The following GPR137C variants were observed in gnomAD, a reference collection of about 807,000 sequenced individuals.
GPR137C encodes integral membrane protein GPR137C.
Under a neutral mutation model 43.4 loss-of-function variants are expected in GPR137C, and 27 were observed. The ratio of observed to expected loss-of-function variants is 0.62; its 90% CI spans 0.46 to 0.86. GPR137C has a LOEUF of 0.86. Among genes scored for constraint, GPR137C ranks in the 40% least tolerant of loss-of-function variants. The pLI is 0.00. For synonymous variants in GPR137C, 285 were observed against 226.9 expected, an observed-to-expected ratio of 1.26 and a Z score of -2.30; for missense variants, 522 against 534.6, an observed-to-expected ratio of 0.98 and a Z score of 0.23.
At chr14:52,556,522 GAAAAA>G (rs1400712336) in intron 1 of GPR137C, among the ~76,000 whole-genome samples, 10 of 143,634 alleles carry the variant, frequency 7.0e-5, no homozygotes, top group Admixed American at 6.9e-4. Flanking sequence ...GAGAGAGGGG[GAAAAA>G]AAAAAGAAAA....
chr14:52,598,320 GT>G lies in GPR137C; in HGVS notation c.488+9del. The G allele has an allele frequency of 1.6e-6, 2 of 1,239,842 alleles. No individual in the cohort carries two copies. The highest frequency in any genetic ancestry group is 2.3e-6 in the Non-Finnish European group (2 of 883,264). The allele number at this position is 1,239,842 out of a possible 1,614,324, so 76.8% of individuals were successfully genotyped here. Reference sequence around the variant, plus strand: ...CACTGAACTTGACAGACACAAGTAAGTTTTATGAGTATCTAAATTTCTATCT... The same window carrying G: ...CACTGAACTTGACAGACACAAGTAAGTTTATGAGTATCTAAATTTCTATCT... On this transcript the variant is annotated splice_donor_region_variant and intron_variant, in intron 2 of 6. Transcript: ENST00000321662.
chr14:52,590,743 C>T (rs1182811782), intron 1 of GPR137C, among the ~76,000 whole-genome samples: 1 of 152,100 alleles, frequency 6.6e-6, no homozygotes, highest in Non-Finnish European at 1.5e-5. Context: ...TACCATATGG[C>T]CTAGGTATGT....
intron 3 of GPR137C, among the ~76,000 whole-genome samples, chr14:52,619,578 C>G (rs1017491990): frequency 6.6e-6 from 1 of 152,118 alleles, no homozygotes. Context: ...TTTGAAAGAT[C>G]CTTGCTTACA....
At chr14:52,603,622 C>T (rs1464341357) in intron 3 of GPR137C, among the ~76,000 whole-genome samples, 1 of 152,102 alleles carries the variant, frequency 6.6e-6, no homozygotes, top group Non-Finnish European at 1.5e-5. Context: ...GCAACTTCTG[C>T]CTCCCAGGTT....
chr14:52,609,383 C>T (rs1419416597), intron 3 of GPR137C, among the ~76,000 whole-genome samples: 1 of 152,218 alleles, frequency 6.6e-6, no homozygotes, highest in Non-Finnish European at 1.5e-5. Context: ...AGAGATCTCA[C>T]ATCTCCATCA....
intron 3 of GPR137C, among the ~76,000 whole-genome samples, chr14:52,629,451 A>G (rs943864456): frequency 1.1e-4 from 16 of 152,228 alleles, no homozygotes; most frequent in African/African-American, 3.9e-4. Context: ...TGCTAAAACC[A>G]GAAAACCCCT....
At chr14:52,609,464 G>A (rs1396274005) in intron 3 of GPR137C, among the ~76,000 whole-genome samples, 1 of 152,160 alleles carries the variant, frequency 6.6e-6, no homozygotes, top group African/African-American at 2.4e-5. Flanking sequence ...CTTGATGCTT[G>A]TGGAAGTATG....
chr14:52,553,498 T>G lies in GPR137C; in HGVS notation c.351T>G (p.Ala117=). ...SGSLPLLRPP[A]HLHFFPHWLL... is the part of the protein sequence containing the mutation. ...CCCTGCCCTTGCTCCGGCCGCCCGCTCACCTGCACTTCTTCCCCCACTGGC... is the reference window on the plus strand; with the variant it reads ...CCCTGCCCTTGCTCCGGCCGCCCGCGCACCTGCACTTCTTCCCCCACTGGC... The change falls in exon 1 of 7, where the codon GCT becomes GCG. Residue 117 remains alanine (A), a synonymous_variant. Coordinates refer to ENST00000321662, the MANE Select transcript of GPR137C (RefSeq NM_001099652.2). The G allele has an allele frequency of 6.2e-7, 1 of 1,609,152 alleles. No individual in the cohort carries two copies. Among genetic ancestry groups the G allele is most frequent in the Non-Finnish European group, 8.5e-7 (1 of 1,179,768 alleles).
At chr14:52,579,170 G>C (rs1465179182) in intron 1 of GPR137C, among the ~76,000 whole-genome samples, 1 of 152,174 alleles carries the variant, frequency 6.6e-6, no homozygotes, top group Non-Finnish European at 1.5e-5. Flanking sequence ...AGTCAGGGAA[G>C]AGGGTTGGGG....
At chr14:52,612,514 G>A (rs2039049237) in intron 3 of GPR137C, 1 of 982,606 alleles carries the variant, frequency 1.0e-6, no homozygotes, top group Non-Finnish European at 1.2e-6. Context: ...GTGTATCCCA[G>A]CCTCAGTTTA....
intron 3 of GPR137C, among the ~76,000 whole-genome samples, chr14:52,627,561 T>C (rs2039242324): frequency 6.6e-6 from 1 of 151,534 alleles, no homozygotes; most frequent in Non-Finnish European, 1.5e-5. Flanking sequence ...TAAAGTGTGC[T>C]GTCTGGGCAG....
intron 1 of GPR137C, among the ~76,000 whole-genome samples, chr14:52,563,221 G>A (rs1174846374): frequency 6.6e-6 from 1 of 152,078 alleles, no homozygotes; most frequent in Admixed American, 6.5e-5. Context: ...GTAAGCTCAT[G>A]TGCCTGTCTT....
chr14:52,600,445 ATT>A, intron 3 of GPR137C, 104 bp downstream of exon 3: 1 of 643,992 alleles, frequency 1.6e-6, no homozygotes, highest in Middle Eastern at 4.3e-4. Context: ...ATTTTATTTT[ATT>A]TTATTTTATT....
intron 3 of GPR137C, chr14:52,611,903 G>A (rs1464570500): frequency 1.0e-6 from 1 of 978,094 alleles, no homozygotes; most frequent in Non-Finnish European, 1.2e-6. Context: ...TATAAATGTT[G>A]ACTCGCTATC....
chr14:52,561,129 C>T (rs2038276769), intron 1 of GPR137C, among the ~76,000 whole-genome samples: 1 of 152,156 alleles, frequency 6.6e-6, no homozygotes, highest in African/African-American at 2.4e-5. Flanking sequence ...ACAAAAATTA[C>T]ACTCACGTTG....
At chr14:52,553,668 C>G (rs2038136950) in intron 1 of GPR137C, 77 bp downstream of exon 1, 33 of 1,020,650 alleles carry the variant, frequency 3.2e-5, no homozygotes, top group South Asian at 1.2e-4. Context: ...TGAGGACCAG[C>G]GGGGGCGGGG....
intron 3 of GPR137C, among the ~76,000 whole-genome samples, chr14:52,631,787 A>C (rs916526648): frequency 3.3e-5 from 5 of 152,162 alleles, no homozygotes; most frequent in African/African-American, 1.2e-4. Flanking sequence ...TAAGTGTATC[A>C]AATGAACTAA....
intron 1 of GPR137C, among the ~76,000 whole-genome samples, chr14:52,579,197 T>C (rs559691364): frequency 6.6e-6 from 1 of 152,296 alleles, no homozygotes; most frequent in African/African-American, 2.4e-5. Flanking sequence ...AGAATCTTTA[T>C]GCTTGGTGTA....
chr14:52,613,552 A>C (rs1425420218), intron 3 of GPR137C: 1 of 164,306 alleles, frequency 6.1e-6, no homozygotes, highest in Non-Finnish European at 1.3e-5. Flanking sequence ...CTCTATCTCC[A>C]TGAGTTCAAT....
Sources: gnomAD v4.1 joint callset for allele counts (sites outside exome capture counted in the v4.1 genomes callset) on GRCh38, gnomAD v4.1.1 for gene constraint, MANE v1.5 for transcripts, NCBI Gene and HGNC (gene_info 2026-07-23, HGNC 2026-07-21) for gene names.